Variants in RELL1 observed in about 807,000 individuals in gnomAD.
RELL1 encodes RELT like 1.
In RELL1, 10 loss-of-function variants were observed where a neutral mutation model predicts 23.0. That is an observed-to-expected ratio of 0.43 (90% CI 0.27 to 0.74). The LOEUF (loss-of-function observed/expected upper bound fraction) is 0.74, where lower values mean the gene tolerates loss of function less well. Ranked by LOEUF, RELL1 falls within the 30% of genes least tolerant of loss-of-function variation. The probability of loss-of-function intolerance (pLI) is 0.19; values close to 1 mark genes in which losing one functional copy is unlikely to be tolerated. For synonymous variants in RELL1, 146 were observed against 146.8 expected (o/e 0.99, Z 0.04); for missense variants, 315 against 364.4 (o/e 0.86, Z 1.10).
At chr4:37,619,214 G>A (rs1166300089) in intron 6 of RELL1, among the ~76,000 whole-genome samples, 2 of 138,146 alleles carry the variant, frequency 1.4e-5, no homozygotes, top group East Asian at 2.2e-4. Flanking sequence ...AAGGAGCCTC[G>A]CTCTGTCACC....
intron 6 of RELL1, among the ~76,000 whole-genome samples, chr4:37,593,231 G>A (rs1447957649): frequency 6.6e-6 from 1 of 152,122 alleles, no homozygotes; most frequent in Non-Finnish European, 1.5e-5. Context: ...CAGTTGTATG[G>A]GACGAGTGTT....
At chr4:37,599,228 C>T (rs564447981) in intron 6 of RELL1, among the ~76,000 whole-genome samples, 21 of 152,286 alleles carry the variant, frequency 1.4e-4, no homozygotes, top group African/African-American at 4.8e-4. Context: ...CAACGTGCCG[C>T]AAGTCAATAG....
At chr4:37,635,939 G>T (rs568577789) in intron 4 of RELL1, among the ~76,000 whole-genome samples, 1 of 152,286 alleles carries the variant, frequency 6.6e-6, no homozygotes, top group Admixed American at 6.5e-5. Flanking sequence ...TTTAGGCAAA[G>T]ATATCAAAAG....
chr4:37,624,502 C>T (rs1243545347), intron 6 of RELL1, among the ~76,000 whole-genome samples: 3 of 149,794 alleles, frequency 2.0e-5, no homozygotes, highest in African/African-American at 7.4e-5. Flanking sequence ...CGGCTCACTG[C>T]AACCTCCACC....
intron 1 of RELL1, among the ~76,000 whole-genome samples, chr4:37,662,022 C>T (rs1287762817): frequency 1.3e-5 from 2 of 152,122 alleles, no homozygotes; most frequent in Non-Finnish European, 2.9e-5. Context: ...CCACCCAACG[C>T]CAGCTGCATA....
At chr4:37,686,053 C>T (rs1175812591) in intron 1 of RELL1, 147 bp downstream of exon 1, 1 of 682,022 alleles carries the variant, frequency 1.5e-6, no homozygotes, top group Non-Finnish European at 2.4e-6. Context: ...CGGACCGCCG[C>T]GGGACAGCCA....
chr4:37,657,937 A>G (rs1269014011), intron 1 of RELL1, among the ~76,000 whole-genome samples: 1 of 152,018 alleles, frequency 6.6e-6, no homozygotes, highest in East Asian at 1.9e-4. Flanking sequence ...ACACATATAC[A>G]CACACACTAA....
In RELL1 at chr4:37,629,674, G is replaced by A. The variant is rs904247298; in HGVS notation, c.*3+1711C>T. Among the ~76,000 whole-genome samples the A allele has an allele frequency of 3.9e-5, 6 of 152,104 alleles. No homozygotes were observed. In the South Asian group the frequency reaches 1.2e-3, roughly 32 times the overall value. ...GCCAGATCTCCCCACAGGCAAAACCGCGAGGGCTAACTAACACTAGAAAAT... is the reference window on the plus strand; with the variant it reads ...GCCAGATCTCCCCACAGGCAAAACCACGAGGGCTAACTAACACTAGAAAAT... On this transcript the variant is annotated intron_variant, in intron 6 of 6. Coordinates refer to ENST00000454158, the MANE Select transcript of RELL1 (RefSeq NM_001085400.2).
intron 6 of RELL1, chr4:37,623,034 A>C: frequency 2.9e-6 from 1 of 347,194 alleles, no homozygotes; most frequent in Non-Finnish European, 5.7e-6. Flanking sequence ...CGAACTCCTG[A>C]CCTCATGATC....
Position 37,611,340 on chromosome 4 carries a change from T to G in RELL1, c.*2006A>C, listed in dbSNP as rs962505600. Reference sequence around the variant, plus strand: ...CAGTGAAATTTATTTCCATACTGACTTTCTCCAGTCCACAGTGTATATGAA... The same window carrying G: ...CAGTGAAATTTATTTCCATACTGACGTTCTCCAGTCCACAGTGTATATGAA... On this transcript the variant is annotated 3_prime_UTR_variant, in exon 7 of 7. Transcript: ENST00000454158. Among the ~76,000 whole-genome samples, 12 of 152,230 alleles carry G rather than the reference T, an allele frequency of 7.9e-5. No homozygotes were observed. Among genetic ancestry groups the G allele is most frequent in the Non-Finnish European group, 1.5e-5 (1 of 68,042 alleles).
chr4:37,626,718 A>C (rs1227504201), intron 6 of RELL1, among the ~76,000 whole-genome samples: 2 of 152,170 alleles, frequency 1.3e-5, no homozygotes, highest in Admixed American at 1.3e-4. Context: ...AAAGAAGGAA[A>C]TCCTGTCATT....
chr4:37,657,596 G>C (rs1721169089), intron 1 of RELL1, among the ~76,000 whole-genome samples: 1 of 152,178 alleles, frequency 6.6e-6, no homozygotes, highest in South Asian at 2.1e-4. Context: ...TTCCTTTATA[G>C]TGGGTGGAAG....
In RELL1 at chr4:37,655,578, G is replaced by A. The variant is rs949722793; in HGVS notation, c.89-6078C>T. Among the ~76,000 whole-genome samples the A allele has an allele frequency of 3.3e-5, 5 of 152,198 alleles. No homozygotes were observed. The East Asian group carries it at 9.6e-4, about 29-fold the overall frequency. On this transcript the variant is annotated intron_variant, in intron 1 of 6. Transcript: ENST00000454158. ...ACAGATTCTCTCATAGCCCTCAGAA[G>A]GAGGAAACTTTGCTGACACATTCCT... is the stretch of plus-strand genomic sequence containing the variant.
chr4:37,619,725 C>A (rs1370139958), intron 6 of RELL1, among the ~76,000 whole-genome samples: 1 of 152,156 alleles, frequency 6.6e-6, no homozygotes, highest in Non-Finnish European at 1.5e-5. Context: ...ATGCCACATG[C>A]CCAGCTAATT....
chr4:37,678,449 C>T (rs1246207467), intron 1 of RELL1, among the ~76,000 whole-genome samples: 2 of 152,212 alleles, frequency 1.3e-5, no homozygotes, highest in East Asian at 3.8e-4. Flanking sequence ...CCACAAATCC[C>T]CTGCCTCCCA....
At chr4:37,616,697 G>T (rs1278793911) in intron 6 of RELL1, among the ~76,000 whole-genome samples, 1 of 152,206 alleles carries the variant, frequency 6.6e-6, no homozygotes, top group African/African-American at 2.4e-5. Flanking sequence ...AGAGAACGTT[G>T]TTTATAGAGC....
In RELL1 at chr4:37,635,005, C is replaced by T. The variant is rs1720270379; in HGVS notation, c.562G>A (p.Glu188Lys). The T allele has an allele frequency of 2.5e-6, 4 of 1,614,188 alleles. No individual in the cohort carries two copies. Among genetic ancestry groups the T allele is most frequent in the Non-Finnish European group, 2.5e-6 (3 of 1,180,042 alleles). Residue 188 changes from glutamate to lysine, a missense_variant, in exon 5 of 7, where the codon GAG (glutamate) becomes AAG (lysine). Coordinates refer to ENST00000454158, the MANE Select transcript of RELL1 (RefSeq NM_001085400.2). ...HHLHTVGGVVERDVCHRCRHK... is the reference protein window; with the variant it reads ...HHLHTVGGVVKRDVCHRCRHK... ...CTACACCGATGACACACATCCCTCT[C>T]GACAACACCGCCCACCGTATGCAGA...
At chr4:37,657,227 A>C (rs2109292793) in intron 1 of RELL1, among the ~76,000 whole-genome samples, 1 of 152,352 alleles carries the variant, frequency 6.6e-6, no homozygotes, top group Non-Finnish European at 1.5e-5. Flanking sequence ...AAAGAAAAAC[A>C]ATCCACAGAA....
intron 1 of RELL1, among the ~76,000 whole-genome samples, chr4:37,659,004 G>A (rs921470781): frequency 1.3e-5 from 2 of 152,156 alleles, no homozygotes; most frequent in African/African-American, 2.4e-5. Flanking sequence ...CCTTATGCAG[G>A]TCATAACCTG....
Sources: allele counts gnomAD v4.1 joint callset (sites outside exome capture counted in the v4.1 genomes callset), GRCh38; gene constraint gnomAD v4.1.1; transcripts MANE v1.5; gene names NCBI Gene and HGNC (gene_info 2026-07-23, HGNC 2026-07-21).